IRAG1: variants seen among roughly 807,000 people sequenced by gnomAD.
IRAG1 encodes IP3R-associated cGMP kinase substrate.
Under a neutral mutation model 106.2 loss-of-function variants are expected in IRAG1, and 62 were observed. The ratio of observed to expected loss-of-function variants is 0.58; its 90% CI spans 0.48 to 0.72. IRAG1 has a LOEUF of 0.72. Among genes scored for constraint, IRAG1 ranks in the 30% least tolerant of loss-of-function variants. IRAG1 has a pLI of 0.00. For missense variants in IRAG1, 1,064 were observed against 1,140.7 expected (o/e 0.93, Z 0.97); for synonymous variants, 462 against 443.9 (o/e 1.04, Z -0.51).
intron 1 of IRAG1, among the ~76,000 whole-genome samples, chr11:10,678,600 G>A (rs1860895000): frequency 1.3e-5 from 2 of 152,114 alleles, no homozygotes; most frequent in African/African-American, 2.4e-5. Flanking sequence ...CCCTTTCCAC[G>A]CCACCACAGC....
chr11:10,652,006 G>A lies in IRAG1; in HGVS notation c.225+19C>T, dbSNP rs1021959491. 2 of 1,547,258 alleles carry A rather than the reference G, an allele frequency of 1.3e-6. No homozygotes were observed. Among genetic ancestry groups the A allele is most frequent in the African/African-American group, 1.4e-5 (1 of 73,638 alleles). The stretch of plus-strand genomic sequence containing the variant: ...TGGCCCCCAGCCAGGCTAGCTGAGG[G>A]CAGGGAGGGGGCACTTACTTGGCCG... On this transcript the variant is annotated intron_variant, in intron 2 of 20. Coordinates refer to ENST00000423302, the MANE Select transcript of IRAG1 (RefSeq NM_130385.4).
At chr11:10,688,225 C>T (rs1309392909) in intron 1 of IRAG1, among the ~76,000 whole-genome samples, 1 of 152,072 alleles carries the variant, frequency 6.6e-6, no homozygotes, top group Non-Finnish European at 1.5e-5. Context: ...TACAGCTGGT[C>T]AGTGGTGGAG....
chr11:10,582,025 A>G (rs1388522353), intron 18 of IRAG1, 39 bp from the exon 19 acceptor site: 1 of 1,583,010 alleles, frequency 6.3e-7, no homozygotes, highest in Non-Finnish European at 8.6e-7. Flanking sequence ...CATTTCAGAA[A>G]AAGGTGGAGG....
At chr11:10,621,291 A>G (rs1855816769) in intron 10 of IRAG1, among the ~76,000 whole-genome samples, 1 of 152,176 alleles carries the variant, frequency 6.6e-6, no homozygotes, top group Non-Finnish European at 1.5e-5. Context: ...GGTAGGTGTA[A>G]GTTACTACAG....
rs1858095875 is a variant in IRAG1, at chr11:10,647,872, A to G, written c.225+4153T>C. 6.6e-6 allele frequency among the ~76,000 whole-genome samples: 1 copy of G among 152,138 alleles called. No homozygotes were observed. Among genetic ancestry groups the G allele is most frequent in the South Asian group, 2.1e-4 (1 of 4,830 alleles). ...CATGGGAGCAAAGACTGAAGAAACT[A>G]GAGAAAAAGAGACTCTGAGAAGACT... On this transcript the variant is annotated intron_variant, in intron 2 of 20. Coordinates refer to ENST00000423302, the MANE Select transcript of IRAG1 (RefSeq NM_130385.4). The surrounding 1 kb of genome is among the most constrained non-coding windows in gnomAD (Gnocchi z 4.3).
chr11:10,603,966 T>C (rs530398664), intron 13 of IRAG1, among the ~76,000 whole-genome samples: 21 of 152,298 alleles, frequency 1.4e-4, no homozygotes, highest in African/African-American at 4.8e-4. Context: ...TCTAAGGCCC[T>C]TTGTTACAGC....
At chr11:10,594,302 A>T in intron 15 of IRAG1, 107 bp from the exon 16 acceptor site, 5 of 1,060,732 alleles carry the variant, frequency 4.7e-6, no homozygotes, top group Non-Finnish European at 7.0e-6. Context: ...CTGGCCCTCA[A>T]GGGATAGCCC....
At chr11:10,595,091 A>G (rs951883360) in intron 15 of IRAG1, among the ~76,000 whole-genome samples, 2 of 151,826 alleles carry the variant, frequency 1.3e-5, no homozygotes, top group South Asian at 2.1e-4. Context: ...CACCTGGTTA[A>G]TTTTTTTATT....
intron 15 of IRAG1, among the ~76,000 whole-genome samples, chr11:10,595,278 A>G (rs1054324227): frequency 6.6e-6 from 1 of 152,026 alleles, no homozygotes; most frequent in Admixed American, 6.6e-5. Flanking sequence ...GATTTATACT[A>G]GTTATAGTTC....
At chr11:10,687,927 G>T in intron 1 of IRAG1, 1 of 549,142 alleles carries the variant, frequency 1.8e-6, no homozygotes. Context: ...ATTACAGGTC[G>T]AGCATTCCAA....
chr11:10,670,263 C>T (rs1300581843), intron 1 of IRAG1, among the ~76,000 whole-genome samples: 2 of 152,228 alleles, frequency 1.3e-5, no homozygotes, highest in Admixed American at 6.5e-5. Context: ...GTTTACACAA[C>T]AGGATCTGGA....
chr11:10,671,493 C>A (rs1031262435), intron 1 of IRAG1, among the ~76,000 whole-genome samples: 39 of 152,252 alleles, frequency 2.6e-4, no homozygotes, highest in African/African-American at 9.4e-4. Flanking sequence ...GGGTGGATCA[C>A]CTGAGGCCAG....
intron 1 of IRAG1, 191 bp downstream of exon 1, chr11:10,693,345 A>T: frequency 8.7e-7 from 1 of 1,144,378 alleles, no homozygotes; most frequent in Non-Finnish European, 1.2e-6. Flanking sequence ...GGCAAGATTC[A>T]CTTCTGATTT....
rs116826468 is a variant in IRAG1 at position 10,686,829 on chromosome 11, T to C, written c.67+6707A>G. On this transcript the variant is annotated intron_variant, in intron 1 of 20. Coordinates refer to ENST00000423302, the MANE Select transcript of IRAG1 (RefSeq NM_130385.4). ...GCTAAAGTACAGATTTGATGAGATA[T>C]TGTATAAAATGTGCCTGGCACATAC... 5.3e-3 allele frequency among the ~76,000 whole-genome samples: 800 copies of C among 152,322 alleles called. 8 individuals carry two copies. Among genetic ancestry groups the C allele is most frequent in the African/African-American group, 0.018 (758 of 41,562 alleles).
intron 18 of IRAG1, among the ~76,000 whole-genome samples, chr11:10,588,642 C>T (rs1852297667): frequency 6.6e-6 from 1 of 152,194 alleles, no homozygotes; most frequent in Non-Finnish European, 1.5e-5. Flanking sequence ...TGAGCCACTG[C>T]CCAGCCAAGG....
intron 10 of IRAG1, among the ~76,000 whole-genome samples, chr11:10,616,239 G>A (rs369201247): frequency 3.4e-5 from 5 of 149,010 alleles, no homozygotes; most frequent in African/African-American, 9.9e-5. Context: ...CTTGCAGTGA[G>A]CTGAGATGGC....
chr11:10,602,782 C>T (rs1854141326), intron 14 of IRAG1, among the ~76,000 whole-genome samples: 2 of 152,174 alleles, frequency 1.3e-5, no homozygotes, highest in African/African-American at 2.4e-5. Context: ...CAGTTAAATA[C>T]GTTTGGGAAC....
chr11:10,588,414 A>G (rs1341653229), intron 18 of IRAG1, among the ~76,000 whole-genome samples: 3 of 152,078 alleles, frequency 2.0e-5, no homozygotes, highest in Non-Finnish European at 2.9e-5. Context: ...CAGTGGTGCA[A>G]TCTCAGCTCA....
intron 2 of IRAG1, among the ~76,000 whole-genome samples, chr11:10,637,971 G>A (rs907900620): frequency 2.6e-5 from 4 of 152,212 alleles, no homozygotes; most frequent in Non-Finnish European, 4.4e-5. Context: ...TGGTGAGTAG[G>A]AAGAGCTGAA....
Sources: allele counts gnomAD v4.1 joint callset (sites outside exome capture counted in the v4.1 genomes callset), GRCh38; gene constraint gnomAD v4.1.1; non-coding constraint Gnocchi (gnomAD v3.1); transcripts MANE v1.5; gene names NCBI Gene and HGNC (gene_info 2026-07-23, HGNC 2026-07-21).